The following MAP2K6 variants were observed in gnomAD, a reference collection of about 807,000 sequenced individuals.
The protein encoded by MAP2K6 is dual specificity mitogen-activated protein kinase kinase 6.
Under a neutral mutation model 53.7 loss-of-function variants are expected in MAP2K6, and 16 were observed. That is an observed-to-expected ratio of 0.30 (90% CI 0.20 to 0.45). MAP2K6 has a LOEUF of 0.45. Among genes scored for constraint, MAP2K6 ranks in the 20% least tolerant of loss-of-function variants. The probability of loss-of-function intolerance (pLI) is 1.00; values close to 1 mark genes in which losing one functional copy is unlikely to be tolerated. For synonymous variants in MAP2K6, 132 were observed against 143.1 expected (o/e 0.92, Z 0.55); for missense variants, 204 against 411.9 (o/e 0.50, Z 4.37).
intron 1 of MAP2K6, among the ~76,000 whole-genome samples, chr17:69,444,605 A>C (rs1906915298): frequency 6.6e-6 from 1 of 152,200 alleles, no homozygotes; most frequent in Non-Finnish European, 1.5e-5. Flanking sequence ...TATCATTGTC[A>C]AGTCCCAAAA....
At position 69,548,442 on chromosome 17, in the gene MAP2K6, C is replaced by A. The variant is rs1428182590; in HGVS notation, c.*6689C>A. ...GACCGAAGCTTTCTCATTTTTTTTT[C>A]TTCCAGAACAATAGCACACATCTTG... On this transcript the variant is annotated 3_prime_UTR_variant, in exon 12 of 12. Coordinates refer to ENST00000590474, the MANE Select transcript of MAP2K6 (RefSeq NM_002758.4). The A allele has an allele frequency of 6.6e-6, 1 of 151,588 alleles. No individual in the cohort carries two copies. Among genetic ancestry groups the A allele is most frequent in the African/African-American group, 2.4e-5 (1 of 41,300 alleles). The allele number at this position is 151,588 out of a possible 1,614,324, so 9.4% of individuals were successfully genotyped here.
chr17:69,510,004 G>A (rs1056603892), intron 2 of MAP2K6, among the ~76,000 whole-genome samples: 2 of 151,818 alleles, frequency 1.3e-5, no homozygotes, highest in East Asian at 3.9e-4. Flanking sequence ...CACCACACGC[G>A]GCTAATTTTT....
chr17:69,516,719 T>C (rs1374905120), intron 2 of MAP2K6, 136 bp from the exon 3 acceptor site: 1 of 640,034 alleles, frequency 1.6e-6, no homozygotes, highest in East Asian at 2.7e-5. Context: ...TTATTCACAC[T>C]CATAGGCTGC....
Position 69,542,611 on chromosome 17 carries a change from G to A in MAP2K6, c.*858G>A, listed in dbSNP as rs988967539. ...TTCATCTACCTGTGTGTATGTGTGTGTTTGTGTGTCTATTTGGCAATTCAC... is the reference window on the plus strand; with the variant it reads ...TTCATCTACCTGTGTGTATGTGTGTATTTGTGTGTCTATTTGGCAATTCAC... On this transcript the variant is annotated 3_prime_UTR_variant, in exon 12 of 12. Coordinates refer to ENST00000590474, the MANE Select transcript of MAP2K6 (RefSeq NM_002758.4). The A allele has an allele frequency of 4.6e-5, 7 of 152,296 alleles. No homozygotes were observed. The South Asian group carries it at 1.4e-3, about 32-fold the overall frequency. 9.4% of individuals were successfully genotyped at this position (152,296 alleles called of 1,614,324 possible).
In MAP2K6 at chr17:69,550,567, A is replaced by AT. The variant is rs1912056238; in HGVS notation, c.*8818dup. 1 of 152,000 alleles carries AT rather than the reference A, an allele frequency of 6.6e-6. No individual in the cohort carries two copies. Among genetic ancestry groups the AT allele is most frequent in the Admixed American group, 6.6e-5 (1 of 15,254 alleles). 9.4% of individuals were successfully genotyped at this position (152,000 alleles called of 1,614,324 possible). A position where few individuals can be genotyped will look rare whatever the true frequency, so the allele number is the denominator to read the frequency against. ...AATTATGGGGAAGGAGTAGTTTTTTATTTTATTTTATTTTTCTGATCTCAA... is the reference window on the plus strand; with the variant it reads ...AATTATGGGGAAGGAGTAGTTTTTTATTTTTATTTTATTTTTCTGATCTCAA... On this transcript the variant is annotated 3_prime_UTR_variant, in exon 12 of 12. Transcript: ENST00000590474.
At position 69,514,859 on chromosome 17, in the gene MAP2K6, C is replaced by T. The variant is rs114635554; in HGVS notation, c.84-1996C>T. On this transcript the variant is annotated intron_variant, in intron 2 of 11. Coordinates refer to ENST00000590474, the MANE Select transcript of MAP2K6 (RefSeq NM_002758.4). ...TTACAGGCGTGAGCCACTGCGCCTCCGCCCATATTCCTACTTTTTAATTTT... is the reference window on the plus strand; with the variant it reads ...TTACAGGCGTGAGCCACTGCGCCTCTGCCCATATTCCTACTTTTTAATTTT... Among the ~76,000 whole-genome samples the T allele has an allele frequency of 7.3e-3, 1,116 of 152,188 alleles. 15 individuals are homozygous for T. The highest frequency in any genetic ancestry group is 0.026 in the African/African-American group (1,065 of 41,540).
At chr17:69,505,873 T>C in intron 2 of MAP2K6, 27 bp downstream of exon 2, 1 of 1,598,364 alleles carries the variant, frequency 6.3e-7, no homozygotes, top group South Asian at 1.1e-5. Flanking sequence ...ATCATCTGAA[T>C]CCAAATCCTT....
chr17:69,482,512 A>T (rs1567834171), intron 1 of MAP2K6, among the ~76,000 whole-genome samples: 1 of 145,676 alleles, frequency 6.9e-6, no homozygotes, highest in Non-Finnish European at 1.5e-5. Context: ...CCATTTGTGT[A>T]TTTTTTTTTT....
rs1911788441 is a variant in MAP2K6 at position 69,544,271 on chromosome 17, C to T, written c.*2518C>T. The T allele has an allele frequency of 1.3e-5, 2 of 152,178 alleles. No homozygotes were observed. Among genetic ancestry groups the T allele is most frequent in the Admixed American group, 6.5e-5 (1 of 15,292 alleles). The allele number at this position is 152,178 out of a possible 1,614,324, so 9.4% of individuals were successfully genotyped here. On this transcript the variant is annotated 3_prime_UTR_variant, in exon 12 of 12. Transcript: ENST00000590474. The stretch of plus-strand genomic sequence containing the variant: ...ATAGGAAGTGTAGAACACCTTTTCC[C>T]CAGAGAAGCAATATTTTGCACTGTT...
intron 9 of MAP2K6, among the ~76,000 whole-genome samples, chr17:69,525,670 C>T (rs1164992349): frequency 6.6e-6 from 1 of 152,134 alleles, no homozygotes; most frequent in East Asian, 1.9e-4. Flanking sequence ...CATCAGATCT[C>T]GTGAGACTTT....
At chr17:69,415,082 G>A in intron 1 of MAP2K6, 82 bp downstream of exon 1, 1 of 1,360,728 alleles carries the variant, frequency 7.3e-7, no homozygotes, top group Non-Finnish European at 1.0e-6. Flanking sequence ...TTTTCGCCTG[G>A]CGAGTGCATT....
At chr17:69,535,842 TA>T (rs1259687045) in intron 10 of MAP2K6, among the ~76,000 whole-genome samples, 2 of 151,354 alleles carry the variant, frequency 1.3e-5, no homozygotes, top group African/African-American at 2.4e-5. Context: ...TCAGAAAAAT[TA>T]GTGTGCATAT....
intron 10 of MAP2K6, among the ~76,000 whole-genome samples, chr17:69,531,306 C>T (rs1167512364): frequency 1.3e-5 from 2 of 152,194 alleles, no homozygotes; most frequent in East Asian, 3.9e-4. Flanking sequence ...TATTTGTGAA[C>T]TTGTGTATCC....
At chr17:69,434,536 C>T (rs1439392704) in intron 1 of MAP2K6, 1 of 152,134 alleles carries the variant, frequency 6.6e-6, no homozygotes, top group Non-Finnish European at 1.5e-5. Context: ...CTTTGGAAGT[C>T]AGTCTTAATC....
At chr17:69,451,533 G>C in intron 1 of MAP2K6, among the ~76,000 whole-genome samples, 1 of 152,216 alleles carries the variant, frequency 6.6e-6, no homozygotes, top group East Asian at 1.9e-4. Flanking sequence ...TGCCCTTCAG[G>C]AAAGAGACCC....
chr17:69,513,556 C>A (rs544498037), intron 2 of MAP2K6, among the ~76,000 whole-genome samples: 93 of 152,216 alleles, frequency 6.1e-4, no homozygotes, highest in African/African-American at 2.2e-3. Flanking sequence ...CCAAGGTCAG[C>A]AAACTTTTTT....
chr17:69,417,142 G>A (rs1395107997), intron 1 of MAP2K6, among the ~76,000 whole-genome samples: 1 of 152,114 alleles, frequency 6.6e-6, no homozygotes, highest in East Asian at 1.9e-4. Flanking sequence ...AAAGAAGTGG[G>A]TGATCATTTT....
chr17:69,522,990 G>T (rs1910560103), intron 7 of MAP2K6, among the ~76,000 whole-genome samples: 1 of 152,124 alleles, frequency 6.6e-6, no homozygotes, highest in Non-Finnish European at 1.5e-5. Context: ...GAGCCCAGGA[G>T]TTTGAGGCTG....
intron 1 of MAP2K6, among the ~76,000 whole-genome samples, chr17:69,492,194 G>A (rs1908777840): frequency 6.6e-6 from 1 of 152,094 alleles, no homozygotes; most frequent in South Asian, 2.1e-4. Flanking sequence ...TATTGCAGTT[G>A]CTTTTGGCAT....
Sources: allele counts gnomAD v4.1 joint callset (sites outside exome capture counted in the v4.1 genomes callset), GRCh38; gene constraint gnomAD v4.1.1; transcripts MANE v1.5; gene names NCBI Gene and HGNC (gene_info 2026-07-23, HGNC 2026-07-21).